Variants in C16orf78 observed in about 807,000 individuals in gnomAD.
The protein encoded by C16orf78 is chromosome 16 open reading frame 78.
C16orf78 carries 19 observed loss-of-function variants against 27.3 expected under a neutral mutation model. The observed-to-expected ratio is 0.70, with a 90% CI of 0.49 to 1.02. The LOEUF is 1.02. Ranked by LOEUF, C16orf78 falls within the 50% of genes least tolerant of loss-of-function variation. The probability of loss-of-function intolerance (pLI) is 0.00; values close to 1 mark genes in which losing one functional copy is unlikely to be tolerated. For missense variants in C16orf78, 339 were observed against 337.0 expected (o/e 1.01, Z -0.05); for synonymous variants, 130 against 116.1 (o/e 1.12, Z -0.77).
intron 3 of C16orf78, among the ~76,000 whole-genome samples, chr16:49,383,688 C>A: frequency 6.6e-6 from 1 of 152,178 alleles, no homozygotes; most frequent in East Asian, 1.9e-4. Context: ...TTATTTATGT[C>A]TTTATATTTA....
chr16:49,393,358 T>A (rs1392912115), intron 3 of C16orf78, among the ~76,000 whole-genome samples: 1 of 152,238 alleles, frequency 6.6e-6, no homozygotes, highest in African/African-American at 2.4e-5. Flanking sequence ...TATCTTTATA[T>A]ATCCAAACAA....
chr16:49,392,828 C>A (rs2151615451), intron 3 of C16orf78, among the ~76,000 whole-genome samples: 1 of 152,140 alleles, frequency 6.6e-6, no homozygotes, highest in South Asian at 2.1e-4. Flanking sequence ...TGACTGTGTC[C>A]CCACCCAAAC....
Position 49,399,217 on chromosome 16 carries a change from T to G in C16orf78, c.737T>G (p.Met246Arg). The G allele has an allele frequency of 6.2e-7, 1 of 1,614,170 alleles. No homozygotes were observed. Among genetic ancestry groups the G allele is most frequent in the Non-Finnish European group, 8.5e-7 (1 of 1,180,030 alleles). Residue 246 changes from methionine (M) to arginine (R), a missense_variant, in exon 5 of 5, where the codon ATG becomes AGG. Physicochemically the swap from Met to Arg is moderately conservative, Grantham distance 91. Coordinates refer to ENST00000299191, the MANE Select transcript of C16orf78 (RefSeq NM_144602.4). ...AGMNVDIHPH[M>R]VEEDIDAKKV... ...ATGAATGTGGATATCCACCCCCACA[T>G]GGTCGAAGAGGACATAGATGCTAAA...
chr16:49,392,626 A>ACT (rs1965427012), intron 3 of C16orf78, among the ~76,000 whole-genome samples: 1 of 152,228 alleles, frequency 6.6e-6, no homozygotes, highest in Admixed American at 6.5e-5. Flanking sequence ...GTAGGTAAAT[A>ACT]AATAAAACAA....
Position 49,399,344 on chromosome 16 carries a change from C to T in C16orf78, c.*66C>T. The T allele has an allele frequency of 6.4e-7, 1 of 1,568,896 alleles. No homozygotes were observed. On this transcript the variant is annotated 3_prime_UTR_variant, in exon 5 of 5. Coordinates refer to ENST00000299191, the MANE Select transcript of C16orf78 (RefSeq NM_144602.4). ...GGGACCCTTCACCTCCAGATGCCATCCTCTGGCACACTACAAGTGGTCCTT... is the reference window on the plus strand; with the variant it reads ...GGGACCCTTCACCTCCAGATGCCATTCTCTGGCACACTACAAGTGGTCCTT...
chr16:49,394,683 G>A (rs1965449760), intron 3 of C16orf78, among the ~76,000 whole-genome samples: 2 of 151,702 alleles, frequency 1.3e-5, no homozygotes, highest in Admixed American at 1.3e-4. Flanking sequence ...TGTTCTAGAG[G>A]GTCTGTCAAA....
intron 3 of C16orf78, among the ~76,000 whole-genome samples, chr16:49,382,351 A>C (rs1965296213): frequency 6.6e-6 from 1 of 152,180 alleles, no homozygotes; most frequent in Non-Finnish European, 1.5e-5. Flanking sequence ...CCAGCATGGC[A>C]CATGTATACG....
intron 1 of C16orf78, among the ~76,000 whole-genome samples, chr16:49,375,331 A>T (rs75409791): frequency 1.1e-3 from 169 of 150,334 alleles, no homozygotes; most frequent in African/African-American, 3.8e-3. Context: ...TCATTTATTT[A>T]AAAAAAAAAT....
chr16:49,396,788 G>A lies in C16orf78; in HGVS notation c.650+110G>A. On this transcript the variant is annotated intron_variant, in intron 4 of 4. Transcript: ENST00000299191. ...CTTAGCCTGAAGATCTAGGAGTAGGGGCTTGGTGTGGCTGAGCTCCGCCCT... is the reference window on the plus strand; with the variant it reads ...CTTAGCCTGAAGATCTAGGAGTAGGAGCTTGGTGTGGCTGAGCTCCGCCCT... 2.2e-6 allele frequency: 3 copies of A among 1,365,014 alleles called. No homozygotes were observed. In the South Asian group the frequency reaches 4.5e-5, roughly 20 times the overall value. The allele number at this position is 1,365,014 out of a possible 1,614,324, so 84.6% of individuals were successfully genotyped here. A position where few individuals can be genotyped will look rare whatever the true frequency, so the allele number is the denominator to read the frequency against.
chr16:49,395,316 A>G (rs1364025777), intron 3 of C16orf78, among the ~76,000 whole-genome samples: 2 of 152,232 alleles, frequency 1.3e-5, no homozygotes, highest in Non-Finnish European at 2.9e-5. Context: ...AAACACTTAG[A>G]AGGAAATTTA....
intron 3 of C16orf78, among the ~76,000 whole-genome samples, chr16:49,383,783 A>G (rs1032246242): frequency 3.3e-5 from 5 of 152,134 alleles, no homozygotes; most frequent in African/African-American, 4.8e-5. Flanking sequence ...ACTTGAGGCC[A>G]TAAGTTTGAG....
At chr16:49,385,297 G>A (rs1207294648) in intron 3 of C16orf78, among the ~76,000 whole-genome samples, 3 of 152,114 alleles carry the variant, frequency 2.0e-5, no homozygotes, top group African/African-American at 7.2e-5. Context: ...AACCTAAAAT[G>A]GCATGTGGAG....
At chr16:49,387,443 T>C (rs1965365005) in intron 3 of C16orf78, among the ~76,000 whole-genome samples, 1 of 152,172 alleles carries the variant, frequency 6.6e-6, no homozygotes, top group African/African-American at 2.4e-5. Flanking sequence ...TGTGCAGATT[T>C]GGTTTGTCAG....
At chr16:49,393,073 G>C (rs985603029) in intron 3 of C16orf78, among the ~76,000 whole-genome samples, 2 of 152,190 alleles carry the variant, frequency 1.3e-5, no homozygotes, top group Non-Finnish European at 2.9e-5. Context: ...CAGCCATGTG[G>C]AACTGTGAGT....
In C16orf78 at chr16:49,391,201, A is replaced by G. The variant is rs1965409007; in HGVS notation, c.395-5222A>G. ...TTTTAGAAAGGTTGCTCTGGCTATG[A>G]GCCAGGAAAAGATCCTGGGAAAACA... On this transcript the variant is annotated intron_variant, in intron 3 of 4. Coordinates refer to ENST00000299191, the MANE Select transcript of C16orf78 (RefSeq NM_144602.4). Among the ~76,000 whole-genome samples the G allele has an allele frequency of 1.3e-5, 2 of 152,200 alleles. 1 individual carries two copies. Among genetic ancestry groups the G allele is most frequent in the South Asian group, 4.1e-4 (2 of 4,822 alleles).
chr16:49,391,562 A>G (rs576986408), intron 3 of C16orf78, among the ~76,000 whole-genome samples: 60 of 152,214 alleles, frequency 3.9e-4, no homozygotes, highest in Non-Finnish European at 6.9e-4. Flanking sequence ...ACCACTAATA[A>G]TCTGTGGCAT....
intron 3 of C16orf78, among the ~76,000 whole-genome samples, chr16:49,391,914 G>A (rs1320415024): frequency 6.6e-6 from 1 of 152,008 alleles, no homozygotes; most frequent in Non-Finnish European, 1.5e-5. Context: ...GCACAAACAG[G>A]GACTGCTGAG....
chr16:49,396,906 G>C (rs1041832088), intron 4 of C16orf78, among the ~76,000 whole-genome samples: 2 of 152,224 alleles, frequency 1.3e-5, no homozygotes, highest in African/African-American at 4.8e-5. Flanking sequence ...ATGTCATTTA[G>C]GTGCTGCCAC....
chr16:49,375,496 A>G (rs1016015797), intron 1 of C16orf78, among the ~76,000 whole-genome samples: 2 of 152,200 alleles, frequency 1.3e-5, no homozygotes, highest in Admixed American at 1.3e-4. Context: ...GAGGTGCCAC[A>G]CACACTTTTA....
Sources: allele counts gnomAD v4.1 joint callset (sites outside exome capture counted in the v4.1 genomes callset), GRCh38; gene constraint gnomAD v4.1.1; transcripts MANE v1.5; gene names NCBI Gene and HGNC (gene_info 2026-07-23, HGNC 2026-07-21).